Variants in TRPC5 observed in about 807,000 individuals in gnomAD.
TRPC5 encodes the protein transient receptor potential cation channel subfamily C member 5, also known as short transient receptor potential channel 5.
TRPC5 carries 9 observed loss-of-function variants against 56.5 expected under a neutral mutation model. That is an observed-to-expected ratio of 0.16 (90% CI 0.10 to 0.28). The LOEUF (loss-of-function observed/expected upper bound fraction) is 0.28, where lower values mean the gene tolerates loss of function less well. Ranked by LOEUF, TRPC5 falls within the 10% of genes least tolerant of loss-of-function variation. TRPC5 has a pLI of 1.00. For missense variants in TRPC5, 469 were observed against 748.9 expected (o/e 0.63, Z 4.36); for synonymous variants, 282 against 278.5 (o/e 1.01, Z -0.13).
intron 3 of TRPC5, among the ~76,000 whole-genome samples, chrX:111,871,278 A>G (rs773840723): frequency 9.0e-6 from 1 of 111,249 alleles, no homozygotes; most frequent in South Asian, 3.9e-4. Flanking sequence ...AGTGCTTTGA[A>G]ACATTCTCAA....
intron 1 of TRPC5, among the ~76,000 whole-genome samples, chrX:111,986,265 A>G (rs914921744): frequency 1.8e-5 from 2 of 109,054 alleles, no homozygotes; most frequent in Non-Finnish European, 3.9e-5. Context: ...TAAATGCAGA[A>G]TCTCTAGTTA....
chrX:111,939,339 G>C (rs1353303704), intron 2 of TRPC5, among the ~76,000 whole-genome samples: 1 of 111,320 alleles, frequency 9.0e-6, no homozygotes, highest in East Asian at 2.8e-4. Flanking sequence ...ATATTCCTCA[G>C]GAATATTGAT....
Position 112,064,318 on chromosome X carries a change from G to A in TRPC5, c.-22+17561C>T, listed in dbSNP as rs140038742. 1.3e-4 allele frequency among the ~76,000 whole-genome samples: 15 copies of A among 111,910 alleles called. No individual in the cohort carries two copies. The East Asian group carries it at 3.9e-3, about 29-fold the overall frequency. Reference sequence around the variant, plus strand: ...GATAAATTACTCACCCAAGTTCACTGAGCATTTTAGCAAAAATGCCCTTTT... The same window carrying A: ...GATAAATTACTCACCCAAGTTCACTAAGCATTTTAGCAAAAATGCCCTTTT... On this transcript the variant is annotated intron_variant, in intron 1 of 10. Transcript: ENST00000262839.
At chrX:111,794,632 A>T (rs958336039) in intron 7 of TRPC5, among the ~76,000 whole-genome samples, 1 of 111,864 alleles carries the variant, frequency 8.9e-6, no homozygotes, top group Non-Finnish European at 1.9e-5. Flanking sequence ...AACAACAGAA[A>T]TTTATTTCTC....
chrX:111,906,702 C>A (rs1267111946), intron 3 of TRPC5, among the ~76,000 whole-genome samples: 1 of 111,622 alleles, frequency 9.0e-6, no homozygotes, highest in East Asian at 2.8e-4. Context: ...GTCCTTATCC[C>A]AGGTGCCAGA....
Position 111,769,523 on chromosome X carries a change from A to C in TRPC5, c.*6790T>G, listed in dbSNP as rs1404836730. On this transcript the variant is annotated 3_prime_UTR_variant, in exon 11 of 11. Coordinates refer to ENST00000262839, the MANE Select transcript of TRPC5 (RefSeq NM_012471.3). ...CTTGAGGGGGTGATGGAGATATTCTATAACTTGATTTTGGCTGGTGCTTCC... is the reference window on the plus strand; with the variant it reads ...CTTGAGGGGGTGATGGAGATATTCTCTAACTTGATTTTGGCTGGTGCTTCC... Among the ~76,000 whole-genome samples the C allele has an allele frequency of 9.0e-6, 1 of 111,683 alleles. No homozygotes were observed. Among genetic ancestry groups the C allele is most frequent in the Non-Finnish European group, 1.9e-5 (1 of 53,106 alleles).
chrX:111,937,617 G>T lies in TRPC5; in HGVS notation c.378+14426C>A, dbSNP rs1022052801. On this transcript the variant is annotated intron_variant, in intron 2 of 10. Coordinates refer to ENST00000262839, the MANE Select transcript of TRPC5 (RefSeq NM_012471.3). ...TAAATAGGGAATCCTTTCCCCCATT[G>T]CTTGTTTTTCTCAGGTTTGTCAAAG... Among the ~76,000 whole-genome samples, 12 of 107,110 alleles carry T rather than the reference G, an allele frequency of 1.1e-4. No homozygotes were observed. The South Asian group carries it at 2.4e-3, about 22-fold the overall frequency. 93.0% of individuals were successfully genotyped at this position (107,110 alleles called of 115,157 possible).
At chrX:111,935,231 C>G (rs1174725059) in intron 2 of TRPC5, among the ~76,000 whole-genome samples, 3 of 111,875 alleles carry the variant, frequency 2.7e-5, no homozygotes, top group Non-Finnish European at 5.7e-5. Context: ...ATGTTGAGCA[C>G]CTTTTCATAT....
chrX:111,905,898 G>C (rs1309665377), intron 3 of TRPC5, among the ~76,000 whole-genome samples: 1 of 87,926 alleles, frequency 1.1e-5, no homozygotes, highest in Non-Finnish European at 2.2e-5. Context: ...CTGGGCGACA[G>C]AGCGAGTCTC....
At chrX:111,863,288 T>A (rs1037071294) in intron 3 of TRPC5, among the ~76,000 whole-genome samples, 35 of 112,030 alleles carry the variant, frequency 3.1e-4, no homozygotes, top group African/African-American at 1.1e-3. Flanking sequence ...CAGGAAAAAC[T>A]GGTCTGTTTG....
chrX:111,905,662 C>T (rs1212838674), intron 3 of TRPC5, among the ~76,000 whole-genome samples: 1 of 111,338 alleles, frequency 9.0e-6, no homozygotes, highest in Admixed American at 9.5e-5. Flanking sequence ...CGCCTGTAAT[C>T]CCAGCACTTT....
At chrX:112,056,222 C>A (rs1930338756) in intron 1 of TRPC5, among the ~76,000 whole-genome samples, 1 of 111,829 alleles carries the variant, frequency 8.9e-6, no homozygotes. Flanking sequence ...CACTCTCATG[C>A]AGTGCGTGGC....
Position 111,952,141 on chromosome X carries a change from C to A in TRPC5, c.280G>T (p.Val94Leu), listed in dbSNP as rs780056943. ...EIMELLLNHS[V>L]YVGDALLYAI... ...TAGAGCAATGCATCACCCACATACA[C>A]GCTGTGGTTCAGCAGTAGCTCCATG... Residue 94 changes from valine to leucine, a missense_variant, in exon 2 of 11, where the codon GTG (valine) becomes TTG (leucine). Val to Leu is a conservative substitution (Grantham distance 32, BLOSUM62 1). Coordinates refer to ENST00000262839, the MANE Select transcript of TRPC5 (RefSeq NM_012471.3). 8.2e-7 allele frequency: 1 copy of A among 1,212,335 alleles called. No homozygotes were observed.
chrX:111,833,242 C>CT (rs1161902655), intron 7 of TRPC5, among the ~76,000 whole-genome samples: 1 of 111,421 alleles, frequency 9.0e-6, no homozygotes, highest in Admixed American at 9.6e-5. Context: ...GTGAGCCTAT[C>CT]TTGTTAATCT....
At chrX:112,049,248 GAC>G (rs1209429848) in intron 1 of TRPC5, among the ~76,000 whole-genome samples, 1 of 110,125 alleles carries the variant, frequency 9.1e-6, no homozygotes, top group Non-Finnish European at 1.9e-5. Context: ...AATACCAAGA[GAC>G]TGCCTTATCT....
At chrX:111,906,342 G>A (rs1376237328) in intron 3 of TRPC5, among the ~76,000 whole-genome samples, 1 of 80,919 alleles carries the variant, frequency 1.2e-5, no homozygotes, top group Non-Finnish European at 2.5e-5. Context: ...GCAACAAAGC[G>A]AAACTCTGTT....
intron 3 of TRPC5, among the ~76,000 whole-genome samples, chrX:111,863,537 C>G (rs927927796): frequency 2.7e-5 from 3 of 112,133 alleles, no homozygotes; most frequent in African/African-American, 9.7e-5. Context: ...TTTCTCTGTA[C>G]AAGGTCCATG....
intron 1 of TRPC5, among the ~76,000 whole-genome samples, chrX:112,029,697 T>C (rs780098452): frequency 2.3e-4 from 26 of 111,793 alleles, no homozygotes; most frequent in African/African-American, 8.5e-4. Flanking sequence ...TTAACTGGAG[T>C]GAACTGTCTC....
chrX:111,828,022 C>G lies in TRPC5; in HGVS notation c.1896+6899G>C, dbSNP rs138543394. 1.2e-3 allele frequency among the ~76,000 whole-genome samples: 134 copies of G among 112,018 alleles called. 1 individual carries two copies. The East Asian group carries it at 0.035, about 29-fold the overall frequency. On this transcript the variant is annotated intron_variant, in intron 7 of 10. Transcript: ENST00000262839. Reference sequence around the variant, plus strand: ...GGTGTCAATGTGGCTGAGCTCTTATCTGGAGGCTCTGGAGAAGAATCTGCT... The same window carrying G: ...GGTGTCAATGTGGCTGAGCTCTTATGTGGAGGCTCTGGAGAAGAATCTGCT...
Sources: allele counts gnomAD v4.1 joint callset (sites outside exome capture counted in the v4.1 genomes callset), GRCh38; gene constraint gnomAD v4.1.1; transcripts MANE v1.5; gene names NCBI Gene and HGNC (gene_info 2026-07-23, HGNC 2026-07-21).